SEC23IP: variants seen among roughly 807,000 people sequenced by gnomAD.
SEC23IP encodes the protein SEC23 interacting protein, also known as SEC23-interacting protein.
In SEC23IP, 70 loss-of-function variants were observed where a neutral mutation model predicts 113.4. The ratio of observed to expected loss-of-function variants is 0.62; its 90% CI spans 0.51 to 0.75. The LOEUF (loss-of-function observed/expected upper bound fraction) is 0.75. SEC23IP is among the 30% of genes least tolerant of loss of function. The probability of loss-of-function intolerance (pLI) is 0.00; values close to 1 mark genes in which losing one functional copy is unlikely to be tolerated. For synonymous variants in SEC23IP, 398 were observed against 421.0 expected (o/e 0.95, Z 0.67); for missense variants, 1,160 against 1,204.9 (o/e 0.96, Z 0.55).
rs1329712983 is a variant in SEC23IP at position 119,940,722 on chromosome 10, A to G, written c.*157A>G. 1 of 152,186 alleles carries G rather than the reference A, an allele frequency of 6.6e-6. No homozygotes were observed. The highest frequency in any genetic ancestry group is 1.5e-5 in the Non-Finnish European group (1 of 68,032). The allele number at this position is 152,186 out of a possible 1,614,324, so 9.4% of individuals were successfully genotyped here. On this transcript the variant is annotated 3_prime_UTR_variant, in exon 19 of 19. Coordinates refer to ENST00000369075, the MANE Select transcript of SEC23IP (RefSeq NM_007190.4). ...AATTGCTCAGCCACAATTCTCGGAT[A>G]TAGGGATTCAAAAGACAGGACACAG...
At chr10:119,898,348 G>T (rs1360469292) in intron 1 of SEC23IP, 79 bp from the exon 2 acceptor site, 1 of 1,448,904 alleles carries the variant, frequency 6.9e-7, no homozygotes, top group Non-Finnish European at 9.1e-7. Context: ...AAGTATAATT[G>T]CTAGCCCTTC....
chr10:119,939,274 G>A (rs1376755358), intron 18 of SEC23IP, among the ~76,000 whole-genome samples: 6 of 152,002 alleles, frequency 3.9e-5, no homozygotes, highest in Non-Finnish European at 5.9e-5. Context: ...AGCTGTGATC[G>A]TACCACTGCA....
At position 119,919,848 on chromosome 10, in the gene SEC23IP, A is replaced by C. The variant is rs974627273; in HGVS notation, c.2025+252A>C. On this transcript the variant is annotated intron_variant, in intron 11 of 18. Transcript: ENST00000369075. The stretch of plus-strand genomic sequence containing the variant: ...ACACCATAAACAACATCTAAAGGCC[A>C]GTGATACATTTGCAACACACATTAT... Among the ~76,000 whole-genome samples, 4 of 152,246 alleles carry C rather than the reference A, an allele frequency of 2.6e-5. No individual in the cohort carries two copies. The East Asian group carries it at 5.8e-4, about 22-fold the overall frequency.
intron 1 of SEC23IP, 54 bp downstream of exon 1, chr10:119,892,999 A>G (rs1343518531): frequency 1.3e-5 from 21 of 1,564,436 alleles, no homozygotes; most frequent in Non-Finnish European, 1.7e-5. Flanking sequence ...GGGGACGTGC[A>G]ATGACAAAGG....
At position 119,892,930 on chromosome 10, in the gene SEC23IP, C is replaced by G. The variant is rs141132251; in HGVS notation, c.148C>G (p.Leu50Val). The G allele has an allele frequency of 3.7e-6, 6 of 1,612,882 alleles. No homozygotes were observed. Among genetic ancestry groups the G allele is most frequent in the Admixed American group, 3.3e-5 (2 of 59,836 alleles). Residue 50 changes from leucine (L) to valine (V), a missense_variant, in exon 1 of 19, where the codon CTG becomes GTG. Leu to Val is a conservative substitution (Grantham distance 32). Coordinates refer to ENST00000369075, the MANE Select transcript of SEC23IP (RefSeq NM_007190.4). ...CCAGGCCTCCGCTTCTCCGGCCTCC[C>G]TGCTCTTACCGGGAGGTAATAAGGG... ...VTQASASPAS[L>V]LLPGEDSTDV...
At chr10:119,932,013 C>A in intron 15 of SEC23IP, 120 bp from the exon 16 acceptor site, 1 of 610,732 alleles carries the variant, frequency 1.6e-6, no homozygotes, top group Non-Finnish European at 2.9e-6. Context: ...GTATATTTGA[C>A]ATTGAAAAGA....
At chr10:119,901,683 T>C (rs1227028370) in intron 2 of SEC23IP, among the ~76,000 whole-genome samples, 1 of 152,196 alleles carries the variant, frequency 6.6e-6, no homozygotes, top group African/African-American at 2.4e-5. Flanking sequence ...GGATAACTTT[T>C]TATTTTTATT....
chr10:119,930,341 G>A lies in SEC23IP; in HGVS notation c.2482G>A (p.Ala828Thr). ...CTTCTATTTATAGCTTGATCCAGTG[G>A]CATATAGATTAGAACCTATGATTGT... ...FNIYHPLDPVAYRLEPMIVPD... is the reference protein window; with the variant it reads ...FNIYHPLDPVTYRLEPMIVPD... Residue 828 changes from alanine to threonine, a missense_variant, in exon 15 of 19, where the codon GCA (alanine) becomes ACA (threonine). Physicochemically the swap from Ala to Thr is moderately conservative, Grantham distance 58. Transcript: ENST00000369075. The A allele has an allele frequency of 1.3e-6, 2 of 1,589,610 alleles. No homozygotes were observed. The highest frequency in any genetic ancestry group is 1.7e-6 in the Non-Finnish European group (2 of 1,162,270).
chr10:119,938,285 G>A (rs544709885), intron 18 of SEC23IP, among the ~76,000 whole-genome samples: 1 of 152,164 alleles, frequency 6.6e-6, no homozygotes, highest in Non-Finnish European at 1.5e-5. Flanking sequence ...TTTTTAGGAT[G>A]ATGCTGGTAG....
At position 119,933,776 on chromosome 10, in the gene SEC23IP, C is replaced by A. The variant is rs1355890684; in HGVS notation, c.*9C>A. 4.0e-6 allele frequency: 6 copies of A among 1,487,504 alleles called. No individual in the cohort carries two copies. The highest frequency in any genetic ancestry group is 5.6e-6 in the Non-Finnish European group (6 of 1,066,656). 92.1% of individuals were successfully genotyped at this position (1,487,504 alleles called of 1,614,324 possible). ...AACAGCCCCAGCATTGATCAAACTT[C>A]AGTTTTACTGTGTGAGTTTATCCTT... On this transcript the variant is annotated 3_prime_UTR_variant, in exon 18 of 19. Coordinates refer to ENST00000369075, the MANE Select transcript of SEC23IP (RefSeq NM_007190.4).
rs373802075 is a variant in SEC23IP at position 119,892,760 on chromosome 10, G to T, written c.-23G>T. 4.4e-6 allele frequency: 7 copies of T among 1,591,448 alleles called. No individual in the cohort carries two copies. The highest frequency in any genetic ancestry group is 5.1e-6 in the Non-Finnish European group (6 of 1,168,010). ...TGTGGTACCGGGTACCCGGAGACGTGTATCGGACGGTGGGCCGCAGCCATG... is the reference window on the plus strand; with the variant it reads ...TGTGGTACCGGGTACCCGGAGACGTTTATCGGACGGTGGGCCGCAGCCATG... On this transcript the variant is annotated 5_prime_UTR_variant, in exon 1 of 19. Transcript: ENST00000369075.
At chr10:119,913,643 C>G (rs772154219) in intron 6 of SEC23IP, among the ~76,000 whole-genome samples, 8 of 151,864 alleles carry the variant, frequency 5.3e-5, no homozygotes, top group Non-Finnish European at 8.8e-5. Context: ...AGGCGCCCAC[C>G]ACCACGCCCG....
At chr10:119,915,982 C>A (rs913432072) in intron 8 of SEC23IP, 93 bp downstream of exon 8, 2 of 1,105,280 alleles carry the variant, frequency 1.8e-6, no homozygotes, top group African/African-American at 3.2e-5. Context: ...TAGCTTCAAT[C>A]AATATGTTTT....
At position 119,941,564 on chromosome 10, in the gene SEC23IP, A is replaced by G. The variant is rs944945764; in HGVS notation, c.*999A>G. ...ATTATCCAAATATTTTCCTAATACT[A>G]TGTGGGAATGCTGATTTTCTTTTGT... On this transcript the variant is annotated 3_prime_UTR_variant, in exon 19 of 19. Coordinates refer to ENST00000369075, the MANE Select transcript of SEC23IP (RefSeq NM_007190.4). 1 of 152,636 alleles carries G rather than the reference A, an allele frequency of 6.6e-6. No individual in the cohort carries two copies. Among genetic ancestry groups the G allele is most frequent in the African/African-American group, 2.4e-5 (1 of 41,450 alleles). 9.5% of individuals were successfully genotyped at this position (152,636 alleles called of 1,614,324 possible). A position where few individuals can be genotyped will look rare whatever the true frequency, so the allele number is the denominator to read the frequency against.
At chr10:119,928,564 C>T (rs1855493577) in intron 13 of SEC23IP, among the ~76,000 whole-genome samples, 1 of 152,222 alleles carries the variant, frequency 6.6e-6, no homozygotes, top group Non-Finnish European at 1.5e-5. Context: ...TAAGTCATGT[C>T]ACATATTTGA....
Position 119,937,401 on chromosome 10 carries a change from G to A in SEC23IP, c.*21-3185G>A, listed in dbSNP as rs539131727. The stretch of plus-strand genomic sequence containing the variant: ...AGCACTTTGGCAGGCCGAGGTGGAC[G>A]GATCACCTGAGGTCAGGAGGTTGAG... On this transcript the variant is annotated intron_variant, in intron 18 of 18. Transcript: ENST00000369075. 4.0e-5 allele frequency among the ~76,000 whole-genome samples: 6 copies of A among 151,724 alleles called. No homozygotes were observed. The East Asian group carries it at 1.2e-3, about 30-fold the overall frequency.
At chr10:119,920,522 T>G (rs1855218575) in intron 11 of SEC23IP, among the ~76,000 whole-genome samples, 1 of 152,204 alleles carries the variant, frequency 6.6e-6, no homozygotes, top group African/African-American at 2.4e-5. Flanking sequence ...GAAAAACATG[T>G]AAGTGCTATG....
chr10:119,932,162 T>C lies in SEC23IP; in HGVS notation c.2602T>C (p.Ser868Pro). 1 of 1,612,176 alleles carries C rather than the reference T, an allele frequency of 6.2e-7. No homozygotes were observed. The highest frequency in any genetic ancestry group is 8.5e-7 in the Non-Finnish European group (1 of 1,178,216). The change falls in exon 16 of 19, where the codon TCT becomes CCT. Residue 868 changes from serine (S) to proline (P), a missense_variant. Coordinates refer to ENST00000369075, the MANE Select transcript of SEC23IP (RefSeq NM_007190.4). Reference protein sequence around the residue: ...ELKESLSRMGSDLKQGFISSL... With the variant: ...ELKESLSRMGPDLKQGFISSL... ...GAAAGAGAGTCTCTCTCGTATGGGATCTGATTTGAAGCAGGGTTTTATTAG... is the reference window on the plus strand; with the variant it reads ...GAAAGAGAGTCTCTCTCGTATGGGACCTGATTTGAAGCAGGGTTTTATTAG...
At chr10:119,928,440 C>G (rs1018163668) in intron 13 of SEC23IP, among the ~76,000 whole-genome samples, 1 of 152,148 alleles carries the variant, frequency 6.6e-6, no homozygotes, top group African/African-American at 2.4e-5. Flanking sequence ...AATGTGAAGT[C>G]TAGACTTTGT....
Sources: allele counts gnomAD v4.1 joint callset (sites outside exome capture counted in the v4.1 genomes callset), GRCh38; gene constraint gnomAD v4.1.1; transcripts MANE v1.5; gene names NCBI Gene and HGNC (gene_info 2026-07-23, HGNC 2026-07-21).